RTN3: variants seen among roughly 807,000 people sequenced by gnomAD.
RTN3 encodes reticulon 3.
RTN3 carries 49 observed loss-of-function variants against 77.8 expected under a neutral mutation model. The ratio of observed to expected loss-of-function variants is 0.63; its 90% CI spans 0.50 to 0.80. The LOEUF is 0.80. RTN3 is among the 30% of genes least tolerant of loss of function. The pLI is 0.00. For missense variants in RTN3, 1,236 were observed against 1,211.9 expected (o/e 1.02, Z -0.29); for synonymous variants, 464 against 446.9 (o/e 1.04, Z -0.48).
chr11:63,711,621 A>G (rs2011163041), intron 2 of RTN3, among the ~76,000 whole-genome samples: 1 of 151,874 alleles, frequency 6.6e-6, no homozygotes, highest in Non-Finnish European at 1.5e-5. Context: ...CTGGAATGCA[A>G]TGGCGCGATC....
At chr11:63,726,627 C>T (rs1299775185) in intron 3 of RTN3, among the ~76,000 whole-genome samples, 1 of 152,182 alleles carries the variant, frequency 6.6e-6, no homozygotes, top group South Asian at 2.1e-4. Context: ...CTTTGGGAGG[C>T]CAAGGCGGGT....
intron 3 of RTN3, among the ~76,000 whole-genome samples, chr11:63,745,779 C>G (rs960959196): frequency 1.3e-5 from 2 of 152,168 alleles, no homozygotes; most frequent in Admixed American, 1.3e-4. Flanking sequence ...ATGGCAGTAA[C>G]ACGCATGAAG....
At chr11:63,708,356 G>A (rs1040046240) in intron 2 of RTN3, among the ~76,000 whole-genome samples, 8 of 151,968 alleles carry the variant, frequency 5.3e-5, no homozygotes, top group Admixed American at 6.6e-5. Flanking sequence ...AAAAAATAGA[G>A]ACAAGGTCTC....
At position 63,758,163 on chromosome 11, in the gene RTN3, G is replaced by A. The variant is rs767256714; in HGVS notation, c.3061G>A (p.Ala1021Thr). Residue 1021 changes from alanine (A) to threonine (T), a missense_variant, in exon 9 of 9, where the codon GCA becomes ACA. Physicochemically the swap from Ala to Thr is moderately conservative, Grantham distance 58. Around this residue, in one of 3 missense-constraint regions of RTN3, gnomAD observed 141 missense variants for 154.9 expected, o/e 0.91. Coordinates refer to ENST00000377819, the MANE Select transcript of RTN3 (RefSeq NM_001265589.2). ...CCCTCCTTTTCTCAATAGGATCCAAGCAAAACTCCCTGGAATCGCCAAAAA... is the reference window on the plus strand; with the variant it reads ...CCCTCCTTTTCTCAATAGGATCCAAACAAAACTCCCTGGAATCGCCAAAAA... Reference protein sequence around the residue: ...QTKSIVEKIQAKLPGIAKKKA... With the variant: ...QTKSIVEKIQTKLPGIAKKKA... The A allele has an allele frequency of 1.9e-6, 3 of 1,604,184 alleles. No individual in the cohort carries two copies. The highest frequency in any genetic ancestry group is 1.3e-5 in the African/African-American group (1 of 74,304).
rs190664731 is a variant in RTN3 at position 63,702,307 on chromosome 11, T to G, written c.143-2544T>G. 6.0e-5 allele frequency among the ~76,000 whole-genome samples: 9 copies of G among 151,136 alleles called. No individual in the cohort carries two copies. In the East Asian group the frequency reaches 1.4e-3, roughly 23 times the overall value. Reference sequence around the variant, plus strand: ...GTGTTTTTGGTTTTGGTTTTTTTTGTTTTTTTGTTTTTTTGTTTTTTTTTT... The same window carrying G: ...GTGTTTTTGGTTTTGGTTTTTTTTGGTTTTTTGTTTTTTTGTTTTTTTTTT... On this transcript the variant is annotated intron_variant, in intron 1 of 8. Transcript: ENST00000377819.
intron 1 of RTN3, among the ~76,000 whole-genome samples, chr11:63,688,670 G>A (rs1941500333): frequency 1.3e-5 from 2 of 152,106 alleles, no homozygotes; most frequent in South Asian, 4.1e-4. Context: ...TTCATTAAGT[G>A]GCTGGTAAGA....
chr11:63,701,619 C>T (rs946558849), intron 1 of RTN3, among the ~76,000 whole-genome samples: 1 of 151,896 alleles, frequency 6.6e-6, no homozygotes, highest in Non-Finnish European at 1.5e-5. Flanking sequence ...TGTCACATGG[C>T]AAAAACAGGA....
At chr11:63,682,652 G>A (rs918474094) in intron 1 of RTN3, among the ~76,000 whole-genome samples, 13 of 151,676 alleles carry the variant, frequency 8.6e-5, no homozygotes, top group African/African-American at 3.2e-4. Flanking sequence ...TTGCAGAAAG[G>A]GGGAGGGGGA....
intron 1 of RTN3, among the ~76,000 whole-genome samples, chr11:63,696,138 G>A (rs1359117125): frequency 1.3e-5 from 2 of 150,988 alleles, no homozygotes; most frequent in Admixed American, 6.6e-5. Flanking sequence ...TGATGAGGCC[G>A]GGCCTGGTGG....
chr11:63,699,292 TGA>T (rs1942118587), intron 1 of RTN3, among the ~76,000 whole-genome samples: 1 of 150,950 alleles, frequency 6.6e-6, no homozygotes, highest in African/African-American at 2.4e-5. Flanking sequence ...GCGACAGAGC[TGA>T]GACTCCTTCT....
Position 63,701,039 on chromosome 11 carries a change from G to A in RTN3, c.143-3812G>A, listed in dbSNP as rs1565307637. 3.4e-5 allele frequency among the ~76,000 whole-genome samples: 5 copies of A among 148,892 alleles called. 1 individual carries two copies. The highest frequency in any genetic ancestry group is 2.7e-4 in the Admixed American group (4 of 14,726). Reference sequence around the variant, plus strand: ...CAGGAGGCAGAGGTTGCAGTGATCCGAGATTGCGCCACTGCCCTCCATCCT... The same window carrying A: ...CAGGAGGCAGAGGTTGCAGTGATCCAAGATTGCGCCACTGCCCTCCATCCT... On this transcript the variant is annotated intron_variant, in intron 1 of 8. Transcript: ENST00000377819.
intron 1 of RTN3, among the ~76,000 whole-genome samples, chr11:63,688,550 T>C (rs1941493435): frequency 6.6e-6 from 1 of 152,060 alleles, no homozygotes; most frequent in Non-Finnish European, 1.5e-5. Context: ...GCTGTTTTTG[T>C]TTATTGTCAA....
chr11:63,756,316 T>C (rs2014380025), intron 8 of RTN3, 146 bp downstream of exon 8: 7 of 598,228 alleles, frequency 1.2e-5, no homozygotes, highest in Non-Finnish European at 2.1e-5. Flanking sequence ...TTACTAAAAA[T>C]TATTATAGCT....
intron 2 of RTN3, among the ~76,000 whole-genome samples, chr11:63,705,427 C>T (rs781538765): frequency 1.2e-4 from 18 of 152,164 alleles, no homozygotes; most frequent in Non-Finnish European, 2.4e-4. Flanking sequence ...TTGCAGTGAG[C>T]GATGATCGTG....
At chr11:63,717,435 G>T (rs1360310940) in intron 2 of RTN3, among the ~76,000 whole-genome samples, 2 of 143,904 alleles carry the variant, frequency 1.4e-5, no homozygotes, top group East Asian at 4.1e-4. Flanking sequence ...CCAGGCTGGG[G>T]TGCGATGGCG....
At chr11:63,754,508 G>T (rs980408571) in intron 7 of RTN3, among the ~76,000 whole-genome samples, 3 of 152,102 alleles carry the variant, frequency 2.0e-5, no homozygotes, top group Non-Finnish European at 2.9e-5. Context: ...AGACCATCCT[G>T]GCTAACACGG....
Position 63,719,101 on chromosome 11 carries a change from A to G in RTN3, c.599A>G (p.Asp200Gly), listed in dbSNP as rs141607862. 3.0e-5 allele frequency: 49 copies of G among 1,614,092 alleles called. No homozygotes were observed. The African/African-American group carries it at 6.5e-4, about 22-fold the overall frequency. The change falls in exon 3 of 9, where the codon GAT becomes GGT. Residue 200 changes from aspartate (D) to glycine (G), a missense_variant. Physicochemically the swap from Asp to Gly is moderately conservative, Grantham distance 94. Coordinates refer to ENST00000377819, the MANE Select transcript of RTN3 (RefSeq NM_001265589.2). ...VSSREAKTAL[D>G]ADDRFTLLTA... ...AGTAGGGAGGCTAAAACTGCATTGG[A>G]TGCTGATGACAGATTCACTTTGCTG...
chr11:63,684,706 G>A (rs1429217959), intron 1 of RTN3, among the ~76,000 whole-genome samples: 1 of 152,222 alleles, frequency 6.6e-6, no homozygotes, highest in Non-Finnish European at 1.5e-5. Context: ...TACTTGGTAA[G>A]TATTTGTTGA....
At chr11:63,690,588 A>G (rs1157024137) in intron 1 of RTN3, among the ~76,000 whole-genome samples, 1 of 152,212 alleles carries the variant, frequency 6.6e-6, no homozygotes, top group African/African-American at 2.4e-5. Context: ...ATTTGAAGCA[A>G]CATGTAGTAA....
Sources: gnomAD v4.1 joint callset for allele counts (sites outside exome capture counted in the v4.1 genomes callset) on GRCh38, gnomAD v4.1.1 for gene constraint, gnomAD v4.1.1 regional missense constraint, MANE v1.5 for transcripts, NCBI Gene and HGNC (gene_info 2026-07-23, HGNC 2026-07-21) for gene names.